Variants in BTBD3 observed in about 807,000 individuals in gnomAD.
BTBD3 encodes BTB domain containing 3.
In BTBD3, 14 loss-of-function variants were observed where a neutral mutation model predicts 41.6. The observed-to-expected ratio is 0.34, with a 90% CI of 0.22 to 0.53. The LOEUF is 0.53. Among genes scored for constraint, BTBD3 ranks in the 20% least tolerant of loss-of-function variants. The probability of loss-of-function intolerance (pLI) is 0.95; values close to 1 mark genes in which losing one functional copy is unlikely to be tolerated. For missense variants in BTBD3, 426 were observed against 654.7 expected, an observed-to-expected ratio of 0.65 and a Z score of 3.81; for synonymous variants, 249 against 233.7, an observed-to-expected ratio of 1.07 and a Z score of -0.60.
At chr20:11,918,666 A>G in intron 1 of BTBD3, 65 bp downstream of exon 1, 1 of 1,458,220 alleles carries the variant, frequency 6.9e-7, no homozygotes, top group Non-Finnish European at 9.2e-7. Flanking sequence ...GCTTTTGCAA[A>G]ACCTGTAATG....
At chr20:11,895,110 C>T (rs887218977) in intron 1 of BTBD3, among the ~76,000 whole-genome samples, 3 of 152,108 alleles carry the variant, frequency 2.0e-5, no homozygotes, top group Non-Finnish European at 2.9e-5. Flanking sequence ...TTCCTCCTTT[C>T]TTCTTTGCTT....
At chr20:11,919,544 C>A in intron 2 of BTBD3, 174 bp from the exon 3 acceptor site, 1 of 1,145,118 alleles carries the variant, frequency 8.7e-7, no homozygotes. Flanking sequence ...TAATTAGCAG[C>A]ATGGTCTTAT....
upstream of BTBD3, among the ~76,000 whole-genome samples, chr20:11,915,891 C>T (rs2056915049): frequency 1.3e-5 from 2 of 152,186 alleles, no homozygotes; most frequent in South Asian, 4.1e-4. Flanking sequence ...CTTTCTCAAA[C>T]TGTTACATCC....
chr20:11,901,700 G>T (rs1485899881), intron 1 of BTBD3, among the ~76,000 whole-genome samples: 1 of 152,090 alleles, frequency 6.6e-6, no homozygotes, highest in Admixed American at 6.5e-5. Flanking sequence ...CTCTTAGCTA[G>T]CAAATATCTC....
chr20:11,892,608 T>C (rs554160121), intron 1 of BTBD3: 1 of 152,352 alleles, frequency 6.6e-6, no homozygotes, highest in South Asian at 2.1e-4. Flanking sequence ...ATTAACGCCG[T>C]TGTATGGGAT....
intron 1 of BTBD3, among the ~76,000 whole-genome samples, chr20:11,900,606 C>G (rs2056817986): frequency 6.6e-6 from 1 of 151,780 alleles, no homozygotes; most frequent in African/African-American, 2.4e-5. Flanking sequence ...CTTTAGGTCT[C>G]TGTGGATAGA....
intron 1 of BTBD3, among the ~76,000 whole-genome samples, chr20:11,904,616 GTT>G: frequency 6.6e-6 from 1 of 152,072 alleles, no homozygotes. Context: ...CAGAAAACTT[GTT>G]TATAGGGGTC....
chr20:11,897,419 T>C (rs939060560), intron 1 of BTBD3, among the ~76,000 whole-genome samples: 1 of 149,332 alleles, frequency 6.7e-6, no homozygotes, highest in Non-Finnish European at 1.5e-5. Flanking sequence ...TTTTTTGCAT[T>C]AATGGCAAAT....
At chr20:11,917,164 A>G (rs563633559), upstream of BTBD3, among the ~76,000 whole-genome samples, 34 of 152,332 alleles carry the variant, frequency 2.2e-4, 1 homozygote, top group South Asian at 6.2e-3. Flanking sequence ...CCCATCTGAA[A>G]TATTTTTAGT....
At position 11,923,930 on chromosome 20, in the gene BTBD3, A is replaced by C. The variant is rs907469901; in HGVS notation, c.*264A>C. The C allele has an allele frequency of 2.8e-6, 1 of 361,166 alleles. No individual in the cohort carries two copies. Among genetic ancestry groups the C allele is most frequent in the African/African-American group, 2.1e-5 (1 of 47,802 alleles). 22.4% of individuals were successfully genotyped at this position (361,166 alleles called of 1,614,324 possible). A position where few individuals can be genotyped will look rare whatever the true frequency, so the allele number is the denominator to read the frequency against. On this transcript the variant is annotated 3_prime_UTR_variant, in exon 4 of 4. Transcript: ENST00000378226. This position sits in a 1 kb window ranked among gnomAD's most constrained non-coding sequence, Gnocchi z 5.3. ...TTGCATCTATGAACCTGGGGAGATT[A>C]TGTGCTTTCCCAAGCGTTCCACCAC...
At chr20:11,916,824 G>A (rs1040627462), upstream of BTBD3, among the ~76,000 whole-genome samples, 2 of 152,160 alleles carry the variant, frequency 1.3e-5, no homozygotes, top group East Asian at 1.9e-4. Flanking sequence ...AATAGATAGG[G>A]GTGAGATTAA....
intron 1 of BTBD3, among the ~76,000 whole-genome samples, chr20:11,904,500 A>C (rs755833156): frequency 6.6e-6 from 1 of 152,162 alleles, no homozygotes; most frequent in African/African-American, 2.4e-5. Flanking sequence ...GAGGCTTACA[A>C]TTACGCTTAC....
chr20:11,918,416 A>T lies in BTBD3; in HGVS notation c.141A>T (p.Pro47=). The T allele has an allele frequency of 1.2e-6, 2 of 1,614,188 alleles. No homozygotes were observed. Among genetic ancestry groups the T allele is most frequent in the Non-Finnish European group, 1.7e-6 (2 of 1,180,032 alleles). The part of the protein sequence containing the change: ...SSSSNSSKLP[P]VCYEIITLKT... Reference sequence around the variant, plus strand: ...GTAGCAACAGCAGCAAGTTGCCACCAGTTTGTTATGAAATAATTACCTTGA... The same window carrying T: ...GTAGCAACAGCAGCAAGTTGCCACCTGTTTGTTATGAAATAATTACCTTGA... Residue 47 remains proline (P), a synonymous_variant, in exon 1 of 4, where the codon CCA becomes CCT. Transcript: ENST00000378226.
intron 1 of BTBD3, among the ~76,000 whole-genome samples, chr20:11,908,359 G>T (rs2122234485): frequency 1.8e-5 from 2 of 109,520 alleles, no homozygotes; most frequent in East Asian, 2.6e-4. Context: ...ACTGACAGTT[G>T]AGTTGCCACT....
chr20:11,917,876 TCTC>T, upstream of BTBD3: 2 of 991,958 alleles, frequency 2.0e-6, no homozygotes, highest in Non-Finnish European at 2.4e-6. Flanking sequence ...TAATACCTAC[TCTC>T]CTCCGATCCA....
At position 11,919,103 on chromosome 20, in the gene BTBD3, A is replaced by G; in HGVS notation, c.344A>G (p.Asn115Ser). The change falls in exon 2 of 4, where the codon AAT (asparagine) becomes AGT (serine). Residue 115 changes from asparagine to serine, a missense_variant. Around this residue, in one of 3 missense-constraint regions of BTBD3, gnomAD observed 321 missense variants for 534.8 expected, o/e 0.60. Coordinates refer to ENST00000378226, the MANE Select transcript of BTBD3 (RefSeq NM_014962.4). ...TIRERNAMMF[N>S]NDLMADVHFV... ...GTTTATAGAAATGCGATGATGTTCA[A>G]TAATGATTTGATGGCAGATGTACAT... The G allele has an allele frequency of 6.2e-7, 1 of 1,613,650 alleles. No individual in the cohort carries two copies. Among genetic ancestry groups the G allele is most frequent in the African/African-American group, 1.3e-5 (1 of 75,026 alleles).
chr20:11,919,448 T>G, intron 2 of BTBD3: 2 of 1,406,516 alleles, frequency 1.4e-6, no homozygotes, highest in Middle Eastern at 2.6e-4. Flanking sequence ...ATGTTTACCC[T>G]TCTCCTAGAA....
upstream of BTBD3, among the ~76,000 whole-genome samples, chr20:11,916,654 T>G (rs528364305): frequency 2.0e-4 from 30 of 152,330 alleles, no homozygotes; most frequent in Non-Finnish European, 3.2e-4. Flanking sequence ...TTATTAATTA[T>G]AACAATAACA....
rs2057000014 is a variant in BTBD3 at position 11,924,339 on chromosome 20, A to G, written c.*673A>G. On this transcript the variant is annotated 3_prime_UTR_variant, in exon 4 of 4. Transcript: ENST00000378226. ...TCTACAAGCAGATTTCTTTTCTTTT[A>G]GTTTAGAAGACAAAAAATTTCAATA... 1 of 152,200 alleles carries G rather than the reference A, an allele frequency of 6.6e-6. No individual in the cohort carries two copies. Among genetic ancestry groups the G allele is most frequent in the African/African-American group, 2.4e-5 (1 of 41,448 alleles). The allele number at this position is 152,200 out of a possible 1,614,324, so 9.4% of individuals were successfully genotyped here. A position where few individuals can be genotyped will look rare whatever the true frequency, so the allele number is the denominator to read the frequency against.
Sources: allele counts gnomAD v4.1 joint callset (sites outside exome capture counted in the v4.1 genomes callset), GRCh38; gene constraint gnomAD v4.1.1; regional missense constraint gnomAD v4.1.1; non-coding constraint Gnocchi (gnomAD v3.1); transcripts MANE v1.5; gene names NCBI Gene and HGNC (gene_info 2026-07-23, HGNC 2026-07-21).